LTA4H: variants seen among roughly 807,000 people sequenced by gnomAD.
LTA4H encodes the protein leukotriene A4 hydrolase, also known as leukotriene A-4 hydrolase.
Under a neutral mutation model 89.8 loss-of-function variants are expected in LTA4H, and 59 were observed. That is an observed-to-expected ratio of 0.66 (90% CI 0.53 to 0.82). The LOEUF (loss-of-function observed/expected upper bound fraction) is 0.82, where lower values mean the gene tolerates loss of function less well. Ranked by LOEUF, LTA4H falls within the 40% of genes least tolerant of loss-of-function variation. The pLI, the probability that LTA4H is intolerant of heterozygous loss-of-function variation, is 0.00. For synonymous variants in LTA4H, 227 were observed against 253.1 expected (o/e 0.90, Z 0.98); for missense variants, 617 against 727.0 (o/e 0.85, Z 1.74).
chr12:96,013,332 C>T, intron 13 of LTA4H, 74 bp from the exon 14 acceptor site: 1 of 870,406 alleles, frequency 1.1e-6, no homozygotes, highest in South Asian at 1.5e-5. Context: ...ACTTGTAAGT[C>T]CTTAGATATA....
chr12:96,008,934 T>C (rs1463913094), intron 15 of LTA4H, among the ~76,000 whole-genome samples, 160 bp downstream of exon 15: 1 of 152,170 alleles, frequency 6.6e-6, no homozygotes, highest in Admixed American at 6.5e-5. Context: ...CTTAATTTTC[T>C]ATATTGAGAG....
chr12:96,018,954 C>T, intron 7 of LTA4H, 51 bp from the exon 8 acceptor site: 1 of 1,465,336 alleles, frequency 6.8e-7, no homozygotes, highest in Non-Finnish European at 9.2e-7. Flanking sequence ...CACCATTGTA[C>T]ATTTCTTAAA....
At position 96,003,884 on chromosome 12, in the gene LTA4H, C is replaced by T. The variant is rs1278107077; in HGVS notation, c.1567G>A (p.Glu523Lys). The stretch of plus-strand genomic sequence containing the variant: ...TTAATGGCATTGAAGTTGTACACCT[C>T]TTGCATTCGCTTTATGTGCCCCAAT... Reference protein sequence around the residue: ...LPLGHIKRMQEVYNFNAINNS... With the variant: ...LPLGHIKRMQKVYNFNAINNS... Residue 523 changes from glutamate to lysine, a missense_variant, in exon 17 of 19, where the codon GAG becomes AAG. Glu to Lys is a moderately conservative substitution (Grantham distance 56, BLOSUM62 1). Transcript: ENST00000228740. The T allele has an allele frequency of 6.2e-7, 1 of 1,610,532 alleles. No homozygotes were observed. Among genetic ancestry groups the T allele is most frequent in the East Asian group, 2.2e-5 (1 of 44,602 alleles).
At chr12:96,033,849 C>T (rs1182024499) in intron 1 of LTA4H, among the ~76,000 whole-genome samples, 1 of 152,176 alleles carries the variant, frequency 6.6e-6, no homozygotes, top group African/African-American at 2.4e-5. Flanking sequence ...TCAGCCCTGC[C>T]CAGGCAAAGT....
chr12:96,036,119 C>G (rs1051712052), upstream of LTA4H, among the ~76,000 whole-genome samples: 1 of 152,136 alleles, frequency 6.6e-6, no homozygotes, highest in Non-Finnish European at 1.5e-5. Flanking sequence ...TTGTTTTTAG[C>G]TGTAAGTAAT....
At chr12:96,030,364 C>T (rs370562893) in intron 1 of LTA4H, among the ~76,000 whole-genome samples, 3 of 152,156 alleles carry the variant, frequency 2.0e-5, no homozygotes, top group East Asian at 1.9e-4. Flanking sequence ...TGTGAAGATG[C>T]CTGCCATTCT....
At chr12:96,017,233 A>T in intron 9 of LTA4H, 119 bp from the exon 10 acceptor site, 1 of 740,474 alleles carries the variant, frequency 1.4e-6, no homozygotes. Flanking sequence ...ATATTCAGGG[A>T]GTTACTCAGT....
intron 1 of LTA4H, among the ~76,000 whole-genome samples, chr12:96,033,590 G>A (rs931087074): frequency 1.9e-4 from 29 of 152,116 alleles, no homozygotes; most frequent in African/African-American, 7.0e-4. Flanking sequence ...TTAAGTTCTG[G>A]GGTACATGTG....
chr12:96,037,692 C>CCTTT (rs1566021042), upstream of LTA4H, among the ~76,000 whole-genome samples: 5 of 114,192 alleles, frequency 4.4e-5, no homozygotes, highest in Non-Finnish European at 3.4e-5. Context: ...ATTGAGAAAG[C>CCTTT]TTTTTTTTTT....
chr12:96,041,976 G>GT (rs869199958), intron 1 of LTA4H, among the ~76,000 whole-genome samples: 42 of 125,026 alleles, frequency 3.4e-4, no homozygotes, highest in Admixed American at 7.9e-4. Context: ...GTTTCTTTTT[G>GT]TTTTTTTTTC....
intron 8 of LTA4H, 56 bp downstream of exon 8, chr12:96,018,707 G>T (rs1396042628): frequency 7.3e-6 from 10 of 1,374,402 alleles, no homozygotes; most frequent in East Asian, 2.5e-5. Flanking sequence ...GACTCCTAAG[G>T]TTCTTAAGTT....
intron 18 of LTA4H, 36 bp from the exon 19 acceptor site, chr12:96,001,142 C>T (rs762717809): frequency 1.3e-5 from 17 of 1,318,688 alleles, no homozygotes; most frequent in East Asian, 4.6e-5. Flanking sequence ...GAAAGAAAGG[C>T]GAGAAGGAGA....
intron 14 of LTA4H, chr12:96,011,378 C>A (rs951342909): frequency 6.6e-6 from 1 of 152,186 alleles, no homozygotes; most frequent in Non-Finnish European, 1.5e-5. Flanking sequence ...TAAATTATTT[C>A]TTCCCACAGC....
intron 1 of LTA4H, among the ~76,000 whole-genome samples, chr12:96,040,676 C>T (rs982954343): frequency 1.3e-5 from 2 of 152,146 alleles, no homozygotes; most frequent in African/African-American, 4.8e-5. Flanking sequence ...GTAGAAGGAG[C>T]CATGAGCTGG....
chr12:96,029,256 C>T lies in LTA4H; in HGVS notation c.160-71G>A, dbSNP rs528256530. On this transcript the variant is annotated intron_variant, in intron 1 of 18. Transcript: ENST00000228740. The stretch of plus-strand genomic sequence containing the variant: ...AGAAAAAACTCATATTAGATATAGG[C>T]TACAACAACTAGTTGCTTATGGAGA... 130 of 789,752 alleles carry T rather than the reference C, an allele frequency of 1.6e-4. 5 individuals are homozygous for T. In the South Asian group the frequency reaches 2.6e-3, roughly 16 times the overall value. The allele number at this position is 789,752 out of a possible 1,614,324, so 48.9% of individuals were successfully genotyped here.
At chr12:96,037,408 A>G (rs1950657348), upstream of LTA4H, among the ~76,000 whole-genome samples, 1 of 152,136 alleles carries the variant, frequency 6.6e-6, no homozygotes, top group African/African-American at 2.4e-5. Context: ...AGGAAGAGAA[A>G]CCCATGAAAT....
At position 96,002,980 on chromosome 12, in the gene LTA4H, C is replaced by G. The variant is rs756819873; in HGVS notation, c.1698G>C (p.Lys566Asn). The G allele has an allele frequency of 1.9e-6, 3 of 1,601,460 alleles. No individual in the cohort carries two copies. The South Asian group carries it at 3.4e-5, about 18-fold the overall frequency. Residue 566 changes from lysine (K) to asparagine (N), a missense_variant, in exon 18 of 19, where the codon AAG becomes AAC. Physicochemically the swap from Lys to Asn is moderately conservative, Grantham distance 94. Coordinates refer to ENST00000228740, the MANE Select transcript of LTA4H (RefSeq NM_000895.3). Reference protein sequence around the residue: ...LKMATEQGRMKFTRPLFKDLA... With the variant: ...LKMATEQGRMNFTRPLFKDLA... ...CTTACTTGAATAAGGGCCGGGTAAACTTCATTCTTCCTTGTTCAGTTGCCA... is the reference window on the plus strand; with the variant it reads ...CTTACTTGAATAAGGGCCGGGTAAAGTTCATTCTTCCTTGTTCAGTTGCCA...
chr12:96,038,535 A>G (rs1950666353), upstream of LTA4H, among the ~76,000 whole-genome samples: 1 of 151,736 alleles, frequency 6.6e-6, no homozygotes, highest in African/African-American at 2.4e-5. Context: ...GCCCGCCACC[A>G]CGCCTGGCTA....
chr12:96,024,563 A>T lies in LTA4H; in HGVS notation c.412-16T>A. 1 of 1,551,386 alleles carries T rather than the reference A, an allele frequency of 6.4e-7. No homozygotes were observed. Among genetic ancestry groups the T allele is most frequent in the South Asian group, 1.1e-5 (1 of 89,574 alleles). On this transcript the variant is annotated splice_polypyrimidine_tract_variant and intron_variant, in intron 3 of 18. Transcript: ENST00000228740. ...AGTGGATGGCCTGAAAAAGGGAGAA[A>T]CAAGAAGAAATAGCTATTTATCTTT...
Sources: allele counts gnomAD v4.1 joint callset (sites outside exome capture counted in the v4.1 genomes callset), GRCh38; gene constraint gnomAD v4.1.1; transcripts MANE v1.5; gene names NCBI Gene and HGNC (gene_info 2026-07-23, HGNC 2026-07-21).